The following GINS1 variants were observed in gnomAD, a reference collection of about 807,000 sequenced individuals.
GINS1 encodes the protein DNA replication complex GINS protein PSF1.
In GINS1, 26 loss-of-function variants were observed where a neutral mutation model predicts 34.9. The observed-to-expected ratio is 0.74, with a 90% CI of 0.55 to 1.03. GINS1 has a LOEUF of 1.03. Ranked by LOEUF, GINS1 falls within the 50% of genes least tolerant of loss-of-function variation. GINS1 has a pLI of 0.00. For missense variants in GINS1, 235 were observed against 237.9 expected (o/e 0.99, Z 0.08); for synonymous variants, 97 against 84.4 (o/e 1.15, Z -0.82).
Position 25,432,316 on chromosome 20 carries a change from C to CT in GINS1, c.447+7001dup, listed in dbSNP as rs956532896. On this transcript the variant is annotated intron_variant, in intron 5 of 6. Transcript: ENST00000262460. ...AGTATTTTCAAAATTTCCTTTCTTTCTTTTTTTTTTTTGAGACGGAGTCTC... is the reference window on the plus strand; with the variant it reads ...AGTATTTTCAAAATTTCCTTTCTTTCTTTTTTTTTTTTTGAGACGGAGTCTC... Among the ~76,000 whole-genome samples the CT allele has an allele frequency of 8.6e-3, 1,253 of 145,118 alleles. 7 individuals are homozygous for CT. The highest frequency in any genetic ancestry group is 0.016 in the African/African-American group (620 of 39,890).
intron 4 of GINS1, among the ~76,000 whole-genome samples, chr20:25,418,790 G>T (rs1412899851): frequency 6.6e-6 from 1 of 152,146 alleles, no homozygotes; most frequent in African/African-American, 2.4e-5. Flanking sequence ...TGTTTATTGG[G>T]GCTTCATTAC....
intron 5 of GINS1, among the ~76,000 whole-genome samples, chr20:25,428,969 CTTTTTTTTTTTTTTTTTTTTTTTTTTTT>C (rs77113924): frequency 1.0e-4 from 13 of 127,492 alleles, no homozygotes; most frequent in Admixed American, 2.4e-4. Flanking sequence ...ATTCCTCTCT[CTTTTTTTTTTTTTTTTTTTTTTTTTTTT>C]TTTTTTTTTG....
At chr20:25,441,514 T>C (rs2090481916) in intron 5 of GINS1, among the ~76,000 whole-genome samples, 188 bp from the exon 6 acceptor site, 1 of 152,158 alleles carries the variant, frequency 6.6e-6, no homozygotes, top group South Asian at 2.1e-4. Context: ...GCGGTTCTTC[T>C]TCCTCCCTGT....
In GINS1 at chr20:25,412,218, A is replaced by T. The variant is rs148031569; in HGVS notation, c.76-1572A>T. 3.1e-3 allele frequency among the ~76,000 whole-genome samples: 465 copies of T among 152,278 alleles called. 11 individuals carry two copies. The East Asian group carries it at 0.045, about 15-fold the overall frequency. On this transcript the variant is annotated intron_variant, in intron 1 of 6. Transcript: ENST00000262460. The stretch of plus-strand genomic sequence containing the variant: ...TGGCCGGTTTTTGCAGTGCAAACCA[A>T]AAACACTATTCCTTTTTCTTTCTTT...
chr20:25,430,582 G>A (rs995914481), intron 5 of GINS1, among the ~76,000 whole-genome samples: 38 of 152,144 alleles, frequency 2.5e-4, no homozygotes, highest in African/African-American at 9.2e-4. Flanking sequence ...CCAGGCTGGA[G>A]TGCAATGGCA....
intron 1 of GINS1, among the ~76,000 whole-genome samples, chr20:25,411,653 C>T (rs2090285864): frequency 6.6e-6 from 1 of 151,620 alleles, no homozygotes; most frequent in Admixed American, 6.6e-5. Context: ...AAAAAGATTA[C>T]AAAAATTAGC....
chr20:25,439,454 C>T (rs1280661529), intron 5 of GINS1, among the ~76,000 whole-genome samples: 1 of 152,078 alleles, frequency 6.6e-6, no homozygotes, highest in Non-Finnish European at 1.5e-5. Flanking sequence ...AGGAGTATTG[C>T]TTGAGACCAG....
At chr20:25,427,024 T>G (rs1044644179) in intron 5 of GINS1, among the ~76,000 whole-genome samples, 1 of 152,094 alleles carries the variant, frequency 6.6e-6, no homozygotes, top group African/African-American at 2.4e-5. Context: ...ATATCCAGAG[T>G]GGAATTACTA....
At chr20:25,444,721 G>A (rs568897100) in intron 6 of GINS1, among the ~76,000 whole-genome samples, 90 of 152,308 alleles carry the variant, frequency 5.9e-4, no homozygotes, top group African/African-American at 2.2e-3. Flanking sequence ...GTATTTGAGA[G>A]GGAAGGAGAC....
At position 25,447,028 on chromosome 20, in the gene GINS1, GTT is replaced by G. The variant is rs2090516269; in HGVS notation, c.*1040_*1041del. 1 of 141,438 alleles carries G rather than the reference GTT, an allele frequency of 7.1e-6. No individual in the cohort carries two copies. The highest frequency in any genetic ancestry group is 1.5e-5 in the Non-Finnish European group (1 of 64,590). 8.8% of individuals were successfully genotyped at this position (141,438 alleles called of 1,614,324 possible). On this transcript the variant is annotated 3_prime_UTR_variant, in exon 7 of 7. Coordinates refer to ENST00000262460, the MANE Select transcript of GINS1 (RefSeq NM_021067.5). ...TATGACCCGTTTTTTTTTTTGTTTT[GTT>G]TTGTTTTTTCGTTTGTTTCTTTGTT...
At chr20:25,410,295 C>T (rs944500161) in intron 1 of GINS1, among the ~76,000 whole-genome samples, 48 of 151,262 alleles carry the variant, frequency 3.2e-4, no homozygotes, top group South Asian at 1.3e-3. Flanking sequence ...GAGCCAAGAT[C>T]GGGTCACTGC....
At position 25,435,062 on chromosome 20, in the gene GINS1, G is replaced by A. The variant is rs117620867; in HGVS notation, c.448-6640G>A. Among the ~76,000 whole-genome samples, 252 of 152,234 alleles carry A rather than the reference G, an allele frequency of 1.7e-3. 2 individuals carry two copies. Among genetic ancestry groups the A allele is most frequent in the Non-Finnish European group, 2.5e-3 (173 of 68,016 alleles). ...AAATTTCTACCACATTGATTTTTGG[G>A]GATGCATTCAGACATAGCATTTACC... On this transcript the variant is annotated intron_variant, in intron 5 of 6. Coordinates refer to ENST00000262460, the MANE Select transcript of GINS1 (RefSeq NM_021067.5).
chr20:25,419,474 T>C (rs2090341754), intron 4 of GINS1, among the ~76,000 whole-genome samples: 1 of 152,220 alleles, frequency 6.6e-6, no homozygotes. Context: ...AATCTCTACC[T>C]CAGATTTACC....
chr20:25,436,635 G>A (rs745950797), intron 5 of GINS1, among the ~76,000 whole-genome samples: 10 of 152,074 alleles, frequency 6.6e-5, no homozygotes, highest in East Asian at 1.9e-4. Flanking sequence ...TCTCAGCTCC[G>A]GAATATCTTT....
At chr20:25,412,515 A>G (rs1173021244) in intron 1 of GINS1, among the ~76,000 whole-genome samples, 4 of 152,106 alleles carry the variant, frequency 2.6e-5, no homozygotes, top group Admixed American at 2.0e-4. Context: ...AGATTGCACC[A>G]TTGCACTCCA....
At chr20:25,445,598 C>T (rs6107044) in intron 6 of GINS1, among the ~76,000 whole-genome samples, 58,101 of 152,010 alleles carry the variant, frequency 0.38, 12,684 homozygotes, top group East Asian at 0.91. Flanking sequence ...CCACCCGCCT[C>T]GGCCTCCCAA....
chr20:25,413,599 C>T, intron 1 of GINS1, 191 bp from the exon 2 acceptor site: 1 of 561,790 alleles, frequency 1.8e-6, no homozygotes, highest in Admixed American at 3.3e-5. Context: ...ACATTCCCAC[C>T]AGCAATGTAC....
intron 2 of GINS1, among the ~76,000 whole-genome samples, chr20:25,414,189 CAAAAAAAAA>C (rs58400500): frequency 1.5e-5 from 1 of 67,656 alleles, no homozygotes; most frequent in Non-Finnish European, 2.8e-5. Flanking sequence ...ACTCTGTCTC[CAAAAAAAAA>C]AAAAAAAAAA....
chr20:25,440,808 C>T (rs1363655140), intron 5 of GINS1, among the ~76,000 whole-genome samples: 1 of 97,322 alleles, frequency 1.0e-5, no homozygotes, highest in Admixed American at 1.2e-4. Flanking sequence ...AAGACTCTGT[C>T]TCAAAAAAAA....
Sources: gnomAD v4.1 joint callset for allele counts (sites outside exome capture counted in the v4.1 genomes callset) on GRCh38, gnomAD v4.1.1 for gene constraint, MANE v1.5 for transcripts, NCBI Gene and HGNC (gene_info 2026-07-23, HGNC 2026-07-21) for gene names.